GGA1: variants seen among roughly 807,000 people sequenced by gnomAD.
The protein encoded by GGA1 is ADP-ribosylation factor-binding protein GGA1.
GGA1 carries 18 observed loss-of-function variants against 76.9 expected under a neutral mutation model. The observed-to-expected ratio is 0.23, with a 90% CI of 0.16 to 0.35. GGA1 has a LOEUF of 0.35. GGA1 is among the 10% of genes least tolerant of loss of function. The pLI is 1.00. For missense variants in GGA1, 755 were observed against 859.0 expected (o/e 0.88, Z 1.51); for synonymous variants, 342 against 354.7 (o/e 0.96, Z 0.40).
rs1242538058 is a variant in GGA1, at chr22:37,625,652, G to A, written c.941-145G>A. 3.8e-6 allele frequency: 2 copies of A among 529,478 alleles called. No individual in the cohort carries two copies. The highest frequency in any genetic ancestry group is 3.0e-5 in the East Asian group (1 of 32,834). 32.8% of individuals were successfully genotyped at this position (529,478 alleles called of 1,614,324 possible). A position where few individuals can be genotyped will look rare whatever the true frequency, so the allele number is the denominator to read the frequency against. On this transcript the variant is annotated intron_variant, in intron 10 of 16. Transcript: ENST00000343632. The surrounding 1 kb of genome is among the most constrained non-coding windows in gnomAD (Gnocchi z 4.1). ...AGAGGTCCTGTTGAGCAGTTTCCAG[G>A]CAGGGGCTGGTGTGGCCAAGGAAGG...
chr22:37,623,364 A>G lies in GGA1; in HGVS notation c.647A>G (p.Asn216Ser). 6.2e-7 allele frequency: 1 copy of G among 1,613,814 alleles called. No individual in the cohort carries two copies. Among genetic ancestry groups the G allele is most frequent in the Non-Finnish European group, 8.5e-7 (1 of 1,179,750 alleles). The change falls in exon 8 of 17, where the codon AAT (asparagine) becomes AGT (serine). Residue 216 changes from asparagine to serine, a missense_variant. Asn to Ser is a conservative substitution (Grantham distance 46). Coordinates refer to ENST00000343632, the MANE Select transcript of GGA1 (RefSeq NM_013365.5). This position sits in a 1 kb window ranked among gnomAD's most constrained non-coding sequence, Gnocchi z 4.6. ...KRMEKISKRV[N>S]AIEEVNNNVK... ...ATGGAGAAGATCTCGAAGAGGGTGA[A>G]TGCCATCGAGGAGGTGAACAACAAT...
intron 13 of GGA1, chr22:37,630,644 G>A: frequency 1.9e-6 from 1 of 523,896 alleles, no homozygotes. Context: ...TCGGCTCACT[G>A]CAACCTCCAT....
At chr22:37,609,423 C>T (rs1927056350) in intron 1 of GGA1, 9 of 697,976 alleles carry the variant, frequency 1.3e-5, no homozygotes, top group South Asian at 2.8e-5. Flanking sequence ...TTTGATTCCT[C>T]CCGCCGCTCC....
intron 3 of GGA1, 49 bp downstream of exon 3, chr22:37,617,046 A>C: frequency 6.4e-7 from 1 of 1,562,060 alleles, no homozygotes; most frequent in Non-Finnish European, 8.7e-7. Context: ...TGACGACACC[A>C]AGGGAGGCCA....
chr22:37,620,133 G>A (rs2145929133), intron 4 of GGA1, 105 bp from the exon 5 acceptor site: 1 of 1,316,368 alleles, frequency 7.6e-7, no homozygotes, highest in Admixed American at 1.7e-5. Flanking sequence ...TAGGCTAGAG[G>A]GCTTCCCGGG....
intron 11 of GGA1, 51 bp from the exon 12 acceptor site, chr22:37,629,411 C>T: frequency 7.6e-7 from 1 of 1,323,768 alleles, no homozygotes; most frequent in Non-Finnish European, 1.1e-6. Context: ...GGCTCTCTGG[C>T]CTCTGCAGGG....
chr22:37,609,805 G>T (rs946548540), intron 1 of GGA1, among the ~76,000 whole-genome samples: 3 of 152,164 alleles, frequency 2.0e-5, no homozygotes, highest in African/African-American at 7.2e-5. Context: ...TTTAACTGCT[G>T]TTGGGACCCC....
At position 37,632,253 on chromosome 22, in the gene GGA1, G is replaced by T; in HGVS notation, c.1698+88G>T. 2 of 1,387,022 alleles carry T rather than the reference G, an allele frequency of 1.4e-6. No homozygotes were observed. The highest frequency in any genetic ancestry group is 1.0e-6 in the Non-Finnish European group (1 of 990,666). The allele number at this position is 1,387,022 out of a possible 1,614,324, so 85.9% of individuals were successfully genotyped here. The stretch of plus-strand genomic sequence containing the variant: ...GTGGGGAGCCACCTGTCAGGGGGCA[G>T]GTCTCCCTCCCTTGCTGGGTGGTTG... On this transcript the variant is annotated intron_variant, in intron 15 of 16. Transcript: ENST00000343632. This position sits in a 1 kb window ranked among gnomAD's most constrained non-coding sequence, Gnocchi z 5.1.
At position 37,624,452 on chromosome 22, in the gene GGA1, T is replaced by TA. The variant is rs140362221; in HGVS notation, c.833-501dup. ...GTCTCTATTTCAAATATATTTATAT[T>TA]AAAAAAAAAAAAAAAAGGTTGACAA... On this transcript the variant is annotated intron_variant, in intron 9 of 16. Coordinates refer to ENST00000343632, the MANE Select transcript of GGA1 (RefSeq NM_013365.5). The surrounding 1 kb of genome is among the most constrained non-coding windows in gnomAD (Gnocchi z 4.3). 0.09 allele frequency: 11,890 copies of TA among 132,450 alleles called. 1,006 individuals carry two copies. Among genetic ancestry groups the TA allele is most frequent in the African/African-American group, 0.21 (7,840 of 36,678 alleles). 8.2% of individuals were successfully genotyped at this position (132,450 alleles called of 1,614,324 possible). A position where few individuals can be genotyped will look rare whatever the true frequency, so the allele number is the denominator to read the frequency against.
At position 37,618,566 on chromosome 22, in the gene GGA1, G is replaced by T. The variant is rs755826088; in HGVS notation, c.303+20G>T. The T allele has an allele frequency of 2.8e-6, 4 of 1,437,992 alleles. No homozygotes were observed. Among genetic ancestry groups the T allele is most frequent in the Non-Finnish European group, 3.9e-6 (4 of 1,019,676 alleles). The allele number at this position is 1,437,992 out of a possible 1,614,324, so 89.1% of individuals were successfully genotyped here. A position where few individuals can be genotyped will look rare whatever the true frequency, so the allele number is the denominator to read the frequency against. On this transcript the variant is annotated intron_variant, in intron 4 of 16. Coordinates refer to ENST00000343632, the MANE Select transcript of GGA1 (RefSeq NM_013365.5). ...CCCAAGGTTGGTGCCCCCAGCCCAA[G>T]CTCAGACCTGCCCTGTCGGATGTGG... is the stretch of plus-strand genomic sequence containing the variant.
Position 37,631,088 on chromosome 22 carries a change from C to T in GGA1, c.1517C>T (p.Ser506Phe), listed in dbSNP as rs1185751323. Reference protein sequence around the residue: ...SLASITVPLESIKPSNILPVT... With the variant: ...SLASITVPLEFIKPSNILPVT... Reference sequence around the variant, plus strand: ...GCCAGCATCACTGTGCCCCTGGAGTCCATCAAACCCAGTGAGTAGGGCTGG... The same window carrying T: ...GCCAGCATCACTGTGCCCCTGGAGTTCATCAAACCCAGTGAGTAGGGCTGG... Residue 506 changes from serine (S) to phenylalanine (F), a missense_variant, in exon 14 of 17, where the codon TCC becomes TTC. Ser to Phe is a radical substitution (Grantham distance 155). Transcript: ENST00000343632. 6.3e-7 allele frequency: 1 copy of T among 1,583,504 alleles called. No homozygotes were observed. The highest frequency in any genetic ancestry group is 8.6e-7 in the Non-Finnish European group (1 of 1,166,738).
chr22:37,610,845 C>T (rs938460348), intron 1 of GGA1: 8 of 152,318 alleles, frequency 5.3e-5, no homozygotes, highest in Admixed American at 3.3e-4. Context: ...GGCTGAGGGT[C>T]AGGGGCCATG....
chr22:37,613,419 ACCCAGAGT>A (rs765306112), intron 1 of GGA1, among the ~76,000 whole-genome samples: 51 of 151,886 alleles, frequency 3.4e-4, no homozygotes, highest in Non-Finnish European at 6.3e-4. Flanking sequence ...AGACGGAGTC[ACCCAGAGT>A]CCCAGCTCTG....
rs772762671 is a variant in GGA1, at chr22:37,616,998, G to A, written c.204+1G>A. On this transcript the variant is annotated splice_donor_variant, in intron 3 of 16. Transcript: ENST00000343632. LOFTEE classifies it high-confidence loss of function. ...GTGGGAGGCGATCCAGGCCTTGACG[G>A]TGAGAAGGGGAGAGGCCACCATCCG... The A allele has an allele frequency of 6.2e-7, 1 of 1,602,120 alleles. No individual in the cohort carries two copies. Among genetic ancestry groups the A allele is most frequent in the Non-Finnish European group, 8.5e-7 (1 of 1,174,458 alleles).
At chr22:37,613,228 C>T (rs1202991486) in intron 1 of GGA1, 1 of 921,494 alleles carries the variant, frequency 1.1e-6, no homozygotes, top group Non-Finnish European at 1.3e-6. Context: ...CCCTCATTCT[C>T]TGCCTCGTGT....
At chr22:37,631,156 G>A (rs1931741717) in intron 14 of GGA1, 57 bp downstream of exon 14, 1 of 1,361,868 alleles carries the variant, frequency 7.3e-7, no homozygotes, top group Non-Finnish European at 9.9e-7. Context: ...GCCCTGTCAG[G>A]AGCTCTGTCT....
intron 14 of GGA1, among the ~76,000 whole-genome samples, chr22:37,631,718 A>G (rs1931829542): frequency 6.6e-6 from 1 of 152,220 alleles, no homozygotes; most frequent in Non-Finnish European, 1.5e-5. Context: ...CACTCCAGGC[A>G]GCAGCCACAC....
At chr22:37,614,389 T>C (rs1490715533) in intron 2 of GGA1, 115 bp downstream of exon 2, 17 of 731,430 alleles carry the variant, frequency 2.3e-5, no homozygotes, top group Non-Finnish European at 3.7e-5. Flanking sequence ...ATTCACAAAG[T>C]GATGAGGATG....
At chr22:37,615,124 C>T (rs980462325) in intron 2 of GGA1, among the ~76,000 whole-genome samples, 2 of 151,496 alleles carry the variant, frequency 1.3e-5, no homozygotes, top group Non-Finnish European at 2.9e-5. Context: ...CATAGCGGGG[C>T]AACATAGCGA....
Sources: gnomAD v4.1 joint callset for allele counts (sites outside exome capture counted in the v4.1 genomes callset) on GRCh38, gnomAD v4.1.1 for gene constraint, Gnocchi (gnomAD v3.1) non-coding constraint, MANE v1.5 for transcripts, NCBI Gene and HGNC (gene_info 2026-07-23, HGNC 2026-07-21) for gene names.